CD58: variants seen among roughly 807,000 people sequenced by gnomAD.
The protein encoded by CD58 is lymphocyte function-associated antigen 3.
A neutral mutation model predicts 27.6 loss-of-function variants in CD58; 14 were observed. The ratio of observed to expected loss-of-function variants is 0.51; its 90% CI spans 0.34 to 0.79. The LOEUF is 0.79. Among genes scored for constraint, CD58 ranks in the 30% least tolerant of loss-of-function variants. The probability of loss-of-function intolerance (pLI) is 0.02; values close to 1 mark genes in which losing one functional copy is unlikely to be tolerated. For missense variants in CD58, 268 were observed against 301.7 expected, an observed-to-expected ratio of 0.89 and a Z score of 0.83; for synonymous variants, 117 against 103.8, an observed-to-expected ratio of 1.13 and a Z score of -0.77.
chr1:116,544,225 G>T, intron 2 of CD58, 86 bp downstream of exon 2: 1 of 885,278 alleles, frequency 1.1e-6, no homozygotes, highest in African/African-American at 1.7e-5. Context: ...TTTTCTCATA[G>T]ACCATTAATT....
chr1:116,562,426 GC>G (rs1194832466), intron 1 of CD58, among the ~76,000 whole-genome samples: 2 of 152,062 alleles, frequency 1.3e-5, no homozygotes, highest in Non-Finnish European at 2.9e-5. Flanking sequence ...TCAAGCAATT[GC>G]CAGGCTCATC....
intron 1 of CD58, among the ~76,000 whole-genome samples, chr1:116,566,868 G>A (rs1005406883): frequency 6.6e-6 from 1 of 152,000 alleles, no homozygotes; most frequent in African/African-American, 2.4e-5. Flanking sequence ...AAATTGCTGG[G>A]TGGCTCATGC....
chr1:116,533,707 T>C, intron 3 of CD58: 1 of 687,148 alleles, frequency 1.5e-6, no homozygotes, highest in Non-Finnish European at 2.7e-6. Flanking sequence ...CTCCTCCTCT[T>C]CATTTTCACG....
chr1:116,560,410 T>C (rs1268753721), intron 1 of CD58, among the ~76,000 whole-genome samples: 4 of 152,230 alleles, frequency 2.6e-5, no homozygotes, highest in Admixed American at 6.5e-5. Context: ...TTCAATACAG[T>C]ACTGATCATT....
At position 116,536,263 on chromosome 1, in the gene CD58, T is replaced by C. The variant is rs1390137984; in HGVS notation, c.365-35A>G. 3.3e-6 allele frequency: 5 copies of C among 1,507,032 alleles called. No individual in the cohort carries two copies. The highest frequency in any genetic ancestry group is 1.2e-5 in the South Asian group (1 of 84,124). The allele number at this position is 1,507,032 out of a possible 1,614,324, so 93.4% of individuals were successfully genotyped here. ...AAAGTATAATATTTAGTACAGAAAA[T>C]AGTAATATTTAGACTTATCATCTGC... On this transcript the variant is annotated intron_variant, in intron 2 of 5. Coordinates refer to ENST00000369489, the MANE Select transcript of CD58 (RefSeq NM_001779.3). This position sits in a 1 kb window ranked among gnomAD's most constrained non-coding sequence, Gnocchi z 5.4.
chr1:116,548,771 T>G (rs1658282757), intron 1 of CD58, among the ~76,000 whole-genome samples: 1 of 152,212 alleles, frequency 6.6e-6, no homozygotes, highest in Non-Finnish European at 1.5e-5. Flanking sequence ...AATTATTTAG[T>G]CAAATTACTC....
chr1:116,548,793 G>A (rs1027822470), intron 1 of CD58, among the ~76,000 whole-genome samples: 1 of 152,122 alleles, frequency 6.6e-6, no homozygotes, highest in African/African-American at 2.4e-5. Flanking sequence ...CATTTCACTG[G>A]TGAAGTGACA....
chr1:116,518,613 C>G, intron 5 of CD58: 18 of 941,028 alleles, frequency 1.9e-5, no homozygotes, highest in Non-Finnish European at 2.2e-5. Context: ...GGCCTTAACT[C>G]TTCCCCTCAT....
rs754151565 is a variant in CD58 at position 116,521,880 on chromosome 1, T to C, written c.706+26A>G. 4 of 1,210,724 alleles carry C rather than the reference T, an allele frequency of 3.3e-6. No individual in the cohort carries two copies. Among genetic ancestry groups the C allele is most frequent in the Non-Finnish European group, 4.8e-6 (4 of 824,784 alleles). 75.0% of individuals were successfully genotyped at this position (1,210,724 alleles called of 1,614,324 possible). A position where few individuals can be genotyped will look rare whatever the true frequency, so the allele number is the denominator to read the frequency against. On this transcript the variant is annotated intron_variant, in intron 4 of 5. Coordinates refer to ENST00000369489, the MANE Select transcript of CD58 (RefSeq NM_001779.3). This position sits in a 1 kb window ranked among gnomAD's most constrained non-coding sequence, Gnocchi z 5.6. ...TGGAAAACAATGCAAGTTTTCAAACTATTTTGTTTTAAAAAGCATACATAC... is the reference window on the plus strand; with the variant it reads ...TGGAAAACAATGCAAGTTTTCAAACCATTTTGTTTTAAAAAGCATACATAC...
At position 116,546,887 on chromosome 1, in the gene CD58, C is replaced by T. The variant is rs564841017; in HGVS notation, c.71-2283G>A. 4.6e-5 allele frequency among the ~76,000 whole-genome samples: 7 copies of T among 152,290 alleles called. No individual in the cohort carries two copies. The South Asian group carries it at 1.0e-3, about 23-fold the overall frequency. On this transcript the variant is annotated intron_variant, in intron 1 of 5. Coordinates refer to ENST00000369489, the MANE Select transcript of CD58 (RefSeq NM_001779.3). The surrounding 1 kb of genome is among the most constrained non-coding windows in gnomAD (Gnocchi z 4.1). ...GCCATCCCTGAGATAGCAAGACCAA[C>T]CCCTCCTCCCACTTAGCCTGCTTTA...
At chr1:116,537,125 T>C (rs1489141762) in intron 2 of CD58, among the ~76,000 whole-genome samples, 2 of 152,160 alleles carry the variant, frequency 1.3e-5, no homozygotes, top group African/African-American at 4.8e-5. Context: ...CCATGATGGC[T>C]CCTGCCTGTA....
In CD58 at chr1:116,534,170, G is replaced by A; in HGVS notation, c.628+1795C>T. ...CTAAGGCACTCAGGCCAGTCCTCGGGGAGCACACGCCGCCCATCTGGCTCG... is the reference window on the plus strand; with the variant it reads ...CTAAGGCACTCAGGCCAGTCCTCGGAGAGCACACGCCGCCCATCTGGCTCG... On this transcript the variant is annotated intron_variant, in intron 3 of 5. Transcript: ENST00000369489. This position sits in a 1 kb window ranked among gnomAD's most constrained non-coding sequence, Gnocchi z 5.3. 1.6e-6 allele frequency: 1 copy of A among 629,720 alleles called. No homozygotes were observed. The highest frequency in any genetic ancestry group is 2.9e-6 in the Non-Finnish European group (1 of 344,608). The allele number at this position is 629,720 out of a possible 1,614,324, so 39.0% of individuals were successfully genotyped here.
In CD58 at chr1:116,546,614, A is replaced by G. The variant is rs534780901; in HGVS notation, c.71-2010T>C. Among the ~76,000 whole-genome samples the G allele has an allele frequency of 7.9e-5, 12 of 152,370 alleles. No individual in the cohort carries two copies. In the East Asian group the frequency reaches 1.7e-3, roughly 22 times the overall value. The stretch of plus-strand genomic sequence containing the variant: ...GAGGGCAGGGTGGTGGTGAAAGAGT[A>G]GGTATGAGATAAACTGCCATACCCT... On this transcript the variant is annotated intron_variant, in intron 1 of 5. Coordinates refer to ENST00000369489, the MANE Select transcript of CD58 (RefSeq NM_001779.3). This position sits in a 1 kb window ranked among gnomAD's most constrained non-coding sequence, Gnocchi z 4.1.
At position 116,570,873 on chromosome 1, in the gene CD58, C is replaced by A; in HGVS notation, c.70+30G>T. ...GTGCTGCCCAGTACCCGCCGGCCGG[C>A]GCGGGGCCCCTGGGGCAGGCTTCAC... On this transcript the variant is annotated intron_variant, in intron 1 of 5. Transcript: ENST00000369489. The surrounding 1 kb of genome is among the most constrained non-coding windows in gnomAD (Gnocchi z 6.4). 6.5e-7 allele frequency: 1 copy of A among 1,527,746 alleles called. No homozygotes were observed. The highest frequency in any genetic ancestry group is 2.0e-5 in the Admixed American group (1 of 50,202). The allele number at this position is 1,527,746 out of a possible 1,614,324, so 94.6% of individuals were successfully genotyped here.
At chr1:116,565,715 TTTTG>T (rs1260693363) in intron 1 of CD58, among the ~76,000 whole-genome samples, 1 of 150,198 alleles carries the variant, frequency 6.7e-6, no homozygotes, top group African/African-American at 2.4e-5. Flanking sequence ...TTTTGTTTTG[TTTTG>T]TTTTTTTGTT....
chr1:116,553,518 A>G (rs1658459859), intron 1 of CD58, among the ~76,000 whole-genome samples: 1 of 152,164 alleles, frequency 6.6e-6, no homozygotes, highest in Admixed American at 6.5e-5. Flanking sequence ...AGGTGCCAGG[A>G]GGGCCAGGAT....
rs186686789 is a variant in CD58 at position 116,545,100 on chromosome 1, G to A, written c.71-496C>T. Among the ~76,000 whole-genome samples, 5 of 152,312 alleles carry A rather than the reference G, an allele frequency of 3.3e-5. No individual in the cohort carries two copies. The East Asian group carries it at 9.7e-4, about 29-fold the overall frequency. On this transcript the variant is annotated intron_variant, in intron 1 of 5. Transcript: ENST00000369489. ...TAGGAAGCAGCACCCCCAAAGGAAG[G>A]CCCTGAATGGAGAAAGAGCATGGTG...
chr1:116,570,891 G>A lies in CD58; in HGVS notation c.70+12C>T. The A allele has an allele frequency of 6.5e-7, 1 of 1,549,670 alleles. No homozygotes were observed. The highest frequency in any genetic ancestry group is 2.4e-5 in the East Asian group (1 of 41,356). ...CGGCCGGCGCGGGGCCCCTGGGGCA[G>A]GCTTCACTCACCAAAGCAGTGCAGC... On this transcript the variant is annotated intron_variant, in intron 1 of 5. Transcript: ENST00000369489. The surrounding 1 kb of genome is among the most constrained non-coding windows in gnomAD (Gnocchi z 6.4).
At position 116,546,896 on chromosome 1, in the gene CD58, C is replaced by G. The variant is rs904113709; in HGVS notation, c.71-2292G>C. On this transcript the variant is annotated intron_variant, in intron 1 of 5. Transcript: ENST00000369489. This position sits in a 1 kb window ranked among gnomAD's most constrained non-coding sequence, Gnocchi z 4.1. ...GAGATAGCAAGACCAACCCCTCCTC[C>G]CACTTAGCCTGCTTTAACGTGAAGA... Among the ~76,000 whole-genome samples, 3 of 152,162 alleles carry G rather than the reference C, an allele frequency of 2.0e-5. No individual in the cohort carries two copies. The highest frequency in any genetic ancestry group is 4.4e-5 in the Non-Finnish European group (3 of 68,034).
Sources: allele counts gnomAD v4.1 joint callset (sites outside exome capture counted in the v4.1 genomes callset), GRCh38; gene constraint gnomAD v4.1.1; non-coding constraint Gnocchi (gnomAD v3.1); transcripts MANE v1.5; gene names NCBI Gene and HGNC (gene_info 2026-07-23, HGNC 2026-07-21).